Variants in WDTC1 observed in about 807,000 individuals in gnomAD.
WDTC1 encodes WD and tetratricopeptide repeats 1.
A neutral mutation model predicts 76.0 loss-of-function variants in WDTC1; 12 were observed. The ratio of observed to expected loss-of-function variants is 0.16; its 90% CI spans 0.10 to 0.26. The LOEUF (loss-of-function observed/expected upper bound fraction) is 0.26. Among genes scored for constraint, WDTC1 ranks in the 10% least tolerant of loss-of-function variants. WDTC1 has a pLI of 1.00. For synonymous variants in WDTC1, 326 were observed against 350.8 expected, an observed-to-expected ratio of 0.93 and a Z score of 0.79; for missense variants, 511 against 908.8, an observed-to-expected ratio of 0.56 and a Z score of 5.63.
At chr1:27,294,427 A>G (rs2013627312) in intron 8 of WDTC1, 87 bp from the exon 9 acceptor site, 1 of 1,221,520 alleles carries the variant, frequency 8.2e-7, no homozygotes, top group Non-Finnish European at 1.2e-6. Context: ...GTTGATTGGT[A>G]TAATTTTTGA....
chr1:27,268,824 C>G (rs1233965407), intron 3 of WDTC1, among the ~76,000 whole-genome samples: 1 of 151,616 alleles, frequency 6.6e-6, no homozygotes, highest in Non-Finnish European at 1.5e-5. Flanking sequence ...AAGTGATTCT[C>G]CTGCCTCAGC....
intron 5 of WDTC1, among the ~76,000 whole-genome samples, chr1:27,284,917 C>T (rs1226809369): frequency 6.6e-6 from 1 of 152,070 alleles, no homozygotes; most frequent in Non-Finnish European, 1.5e-5. Flanking sequence ...GACAAGGGCT[C>T]CCCAGTTTAT....
chr1:27,245,976 A>G (rs1309447123), intron 1 of WDTC1, among the ~76,000 whole-genome samples: 1 of 152,130 alleles, frequency 6.6e-6, no homozygotes, highest in East Asian at 1.9e-4. Flanking sequence ...AAATCTCAGC[A>G]TAGTGTCATC....
At chr1:27,253,408 C>CCCTCCT (rs1326374537) in intron 1 of WDTC1, among the ~76,000 whole-genome samples, 4 of 95,710 alleles carry the variant, frequency 4.2e-5, no homozygotes, top group African/African-American at 1.8e-4. Context: ...CCTCCCCCTC[C>CCCTCCT]CCTCCTCCTC....
At chr1:27,298,616 G>C (rs937428773) in intron 12 of WDTC1, among the ~76,000 whole-genome samples, 4 of 152,172 alleles carry the variant, frequency 2.6e-5, no homozygotes, top group African/African-American at 9.7e-5. Context: ...ATCCAAAGCT[G>C]GCTATGGGTC....
chr1:27,266,394 A>C (rs2012677898), intron 3 of WDTC1, among the ~76,000 whole-genome samples: 1 of 152,196 alleles, frequency 6.6e-6, no homozygotes. Context: ...GCATTACCCC[A>C]AATAGTAATT....
At chr1:27,240,836 G>A (rs147497565) in intron 1 of WDTC1, among the ~76,000 whole-genome samples, 1 of 151,966 alleles carries the variant, frequency 6.6e-6, no homozygotes, top group Non-Finnish European at 1.5e-5. Flanking sequence ...TTAGCCTGGC[G>A]TGGTGGCGGG....
chr1:27,264,808 A>AT (rs984079041), intron 3 of WDTC1, among the ~76,000 whole-genome samples: 73 of 146,780 alleles, frequency 5.0e-4, no homozygotes, highest in East Asian at 1.8e-3. Flanking sequence ...TTTGAATCTA[A>AT]TTTTTTTTTT....
At chr1:27,286,303 G>A (rs919294119) in intron 5 of WDTC1, among the ~76,000 whole-genome samples, 13 of 149,884 alleles carry the variant, frequency 8.7e-5, no homozygotes, top group Non-Finnish European at 1.2e-4. Context: ...GCACCTGGCC[G>A]GTTTTTTTTG....
intron 7 of WDTC1, among the ~76,000 whole-genome samples, chr1:27,292,757 C>CTTTTTTTTTTTTTTTTTTTTTTTTTGTT (rs1304057627): frequency 8.8e-6 from 1 of 113,462 alleles, no homozygotes; most frequent in African/African-American, 3.6e-5. Flanking sequence ...TATTGTTTTA[C>CTTTTTTTTTTTTTTTTTTTTTTTTTGTT]TTTTTTTTTT....
chr1:27,297,284 A>T lies in WDTC1; in HGVS notation c.1058+128A>T, dbSNP rs1000174509. On this transcript the variant is annotated intron_variant, in intron 11 of 15. Coordinates refer to ENST00000319394, the MANE Select transcript of WDTC1 (RefSeq NM_001276252.2). ...CATGCATCCCAGAGAGTGAGGACCAAGGCAAAGAGCCTTCTTGGAGGGTGC... is the reference window on the plus strand; with the variant it reads ...CATGCATCCCAGAGAGTGAGGACCATGGCAAAGAGCCTTCTTGGAGGGTGC... 13 of 828,696 alleles carry T rather than the reference A, an allele frequency of 1.6e-5. No individual in the cohort carries two copies. The African/African-American group carries it at 1.7e-4, about 11-fold the overall frequency. The allele number at this position is 828,696 out of a possible 1,614,324, so 51.3% of individuals were successfully genotyped here.
rs961589593 is a variant in WDTC1, at chr1:27,307,752, G to A, written c.*1369G>A. 4 of 152,760 alleles carry A rather than the reference G, an allele frequency of 2.6e-5. No homozygotes were observed. The highest frequency in any genetic ancestry group is 6.5e-5 in the Admixed American group (1 of 15,278). The allele number at this position is 152,760 out of a possible 1,614,324, so 9.5% of individuals were successfully genotyped here. A position where few individuals can be genotyped will look rare whatever the true frequency, so the allele number is the denominator to read the frequency against. On this transcript the variant is annotated 3_prime_UTR_variant, in exon 16 of 16. Coordinates refer to ENST00000319394, the MANE Select transcript of WDTC1 (RefSeq NM_001276252.2). This position sits in a 1 kb window ranked among gnomAD's most constrained non-coding sequence, Gnocchi z 4.1. ...AAGTGGAGGGTGAGGATAGTGGTGGGGGGTCTGGCACCATCTCATTGCTTT... is the reference window on the plus strand; with the variant it reads ...AAGTGGAGGGTGAGGATAGTGGTGGAGGGTCTGGCACCATCTCATTGCTTT...
rs772370817 is a variant in WDTC1 at position 27,263,140 on chromosome 1, T to C, written c.49-12T>C. On this transcript the variant is annotated splice_polypyrimidine_tract_variant and intron_variant, in intron 2 of 15. Transcript: ENST00000319394. ...GAATCAATGAAATCACGAATTTGTT[T>C]CTGTCCCCTAGGAGCGGGGTGCCCT... is the stretch of plus-strand genomic sequence containing the variant. 3.1e-6 allele frequency: 5 copies of C among 1,613,280 alleles called. No individual in the cohort carries two copies. Among genetic ancestry groups the C allele is most frequent in the South Asian group, 2.2e-5 (2 of 91,038 alleles).
At chr1:27,287,582 A>G in intron 5 of WDTC1, 92 bp from the exon 6 acceptor site, 2 of 1,384,118 alleles carry the variant, frequency 1.4e-6, no homozygotes, top group South Asian at 2.7e-5. Context: ...TCTGACATGG[A>G]GAGAGAAAAG....
In WDTC1 at chr1:27,294,171, G is replaced by C. The variant is rs999510191; in HGVS notation, c.757+55G>C. 3 of 1,576,626 alleles carry C rather than the reference G, an allele frequency of 1.9e-6. No homozygotes were observed. The South Asian group carries it at 3.4e-5, about 18-fold the overall frequency. On this transcript the variant is annotated intron_variant, in intron 8 of 15. Coordinates refer to ENST00000319394, the MANE Select transcript of WDTC1 (RefSeq NM_001276252.2). ...CTCTCGGCTAGATGCTGACTCTTTT[G>C]GGGGCAGTCCAGGGAGACAGCATGG... is the stretch of plus-strand genomic sequence containing the variant.
At chr1:27,235,102 C>T (rs1036788358) in intron 1 of WDTC1, among the ~76,000 whole-genome samples, 151 bp downstream of exon 1, 1 of 151,732 alleles carries the variant, frequency 6.6e-6, no homozygotes, top group Admixed American at 6.6e-5. Flanking sequence ...CCGGGTGTCC[C>T]GAGAGGGGCC....
At chr1:27,258,523 C>T (rs571879970) in intron 1 of WDTC1, among the ~76,000 whole-genome samples, 2 of 74,910 alleles carry the variant, frequency 2.7e-5, no homozygotes, top group South Asian at 6.8e-4. Context: ...CAGAACAAGA[C>T]TCTGCCAAAA....
chr1:27,276,059 CTCT>C (rs1310364199), intron 3 of WDTC1, among the ~76,000 whole-genome samples: 1 of 152,212 alleles, frequency 6.6e-6, no homozygotes, highest in African/African-American at 2.4e-5. Flanking sequence ...ATCTGTACTT[CTCT>C]TTTTTGCGGC....
intron 1 of WDTC1, among the ~76,000 whole-genome samples, chr1:27,245,684 C>G (rs1305267732): frequency 6.6e-6 from 1 of 151,366 alleles, no homozygotes; most frequent in East Asian, 1.9e-4. Context: ...ATTCTCCTGC[C>G]TCAGCTTCCC....
Sources: allele counts gnomAD v4.1 joint callset (sites outside exome capture counted in the v4.1 genomes callset), GRCh38; gene constraint gnomAD v4.1.1; non-coding constraint Gnocchi (gnomAD v3.1); transcripts MANE v1.5; gene names NCBI Gene and HGNC (gene_info 2026-07-23, HGNC 2026-07-21).